Variants in NPAS3 observed in about 807,000 individuals in gnomAD.
NPAS3 encodes neuronal PAS domain-containing protein 3.
NPAS3 carries 14 observed loss-of-function variants against 73.1 expected under a neutral mutation model. The observed-to-expected ratio is 0.19, with a 90% confidence interval of 0.13 to 0.30. The LOEUF (loss-of-function observed/expected upper bound fraction) is 0.30, where lower values mean the gene tolerates loss of function less well. NPAS3 is among the 10% of genes least tolerant of loss of function. The pLI, the probability that NPAS3 is intolerant of heterozygous loss-of-function variation, is 1.00. For synonymous variants in NPAS3, 620 were observed against 541.5 expected (o/e 1.14, Z -2.01); for missense variants, 1,096 against 1,250.0 (o/e 0.88, Z 1.86).
intron 2 of NPAS3, among the ~76,000 whole-genome samples, chr14:33,079,712 A>G (rs961511564): frequency 5.5e-5 from 8 of 145,208 alleles, no homozygotes; most frequent in Non-Finnish European, 1.0e-4. Context: ...CCCAGGTTCA[A>G]GTGATTCTCC....
chr14:33,102,409 G>A lies in NPAS3; in HGVS notation c.140+46415G>A, dbSNP rs573928534. Among the ~76,000 whole-genome samples the A allele has an allele frequency of 9.2e-5, 14 of 152,198 alleles. No individual in the cohort carries two copies. The South Asian group carries it at 2.9e-3, about 32-fold the overall frequency. On this transcript the variant is annotated intron_variant, in intron 2 of 11. Transcript: ENST00000356141. Reference sequence around the variant, plus strand: ...ATCATGGCTCTTTTGTTAGTTGTGTGGCTGTGAGATCTTTGCTTACTATTT... The same window carrying A: ...ATCATGGCTCTTTTGTTAGTTGTGTAGCTGTGAGATCTTTGCTTACTATTT...
chr14:33,140,562 G>T (rs912324816), intron 2 of NPAS3, among the ~76,000 whole-genome samples: 20 of 152,200 alleles, frequency 1.3e-4, no homozygotes, highest in African/African-American at 4.6e-4. Flanking sequence ...CATTTGCATT[G>T]AATGTATTTA....
chr14:33,502,191 A>G (rs2139923688), intron 4 of NPAS3, among the ~76,000 whole-genome samples: 1 of 152,052 alleles, frequency 6.6e-6, no homozygotes, highest in African/African-American at 2.4e-5. Context: ...GTTAGTGAAA[A>G]CAGTGGGGTG....
chr14:33,342,029 C>G (rs948823679), intron 3 of NPAS3, among the ~76,000 whole-genome samples: 3 of 152,226 alleles, frequency 2.0e-5, no homozygotes, highest in African/African-American at 7.2e-5. Context: ...CCTATTTCCT[C>G]TCTTCCTTGG....
In NPAS3 at chr14:33,379,429, C is replaced by T. The variant is rs549907421; in HGVS notation, c.468+12161C>T. On this transcript the variant is annotated intron_variant, in intron 4 of 11. Transcript: ENST00000356141. ...TTTCTTATTGTGTAGGTTTTTATAC[C>T]TCTCTGGTAATGTGTGTAAATATCT... Among the ~76,000 whole-genome samples the T allele has an allele frequency of 2.6e-5, 4 of 152,154 alleles. No homozygotes were observed. In the South Asian group the frequency reaches 6.2e-4, roughly 24 times the overall value.
intron 1 of NPAS3, among the ~76,000 whole-genome samples, chr14:33,028,809 A>G (rs1272070489): frequency 6.6e-6 from 1 of 152,212 alleles, no homozygotes; most frequent in Non-Finnish European, 1.5e-5. Flanking sequence ...ATACATACAT[A>G]TATGTATATA....
At chr14:33,550,567 A>G (rs1186670159) in intron 4 of NPAS3, among the ~76,000 whole-genome samples, 4 of 152,242 alleles carry the variant, frequency 2.6e-5, no homozygotes, top group Non-Finnish European at 4.4e-5. Flanking sequence ...AGCCTTGAAT[A>G]GGATAAGAGC....
intron 4 of NPAS3, among the ~76,000 whole-genome samples, chr14:33,518,427 T>C (rs1428351788): frequency 6.6e-6 from 1 of 152,046 alleles, no homozygotes; most frequent in Non-Finnish European, 1.5e-5. Context: ...AGATAACCCT[T>C]GAGCCTGACT....
rs183141271 is a variant in NPAS3, at chr14:33,199,247, A to G, written c.141-15935A>G. 1.1e-4 allele frequency among the ~76,000 whole-genome samples: 17 copies of G among 152,328 alleles called. No homozygotes were observed. The South Asian group carries it at 1.2e-3, about 11-fold the overall frequency. On this transcript the variant is annotated intron_variant, in intron 2 of 11. Coordinates refer to ENST00000356141, the Ensembl canonical transcript of NPAS3. ...GTGGCCAGAGCAGACGCCCAGGCCG[A>G]GGAGGCACTGAGAGCAAGCGAGGGC...
intron 4 of NPAS3, among the ~76,000 whole-genome samples, chr14:33,471,873 A>C (rs1262316480): frequency 1.3e-5 from 2 of 152,208 alleles, no homozygotes; most frequent in Non-Finnish European, 2.9e-5. Flanking sequence ...GCCGCTCCCT[A>C]TCACTCGCAT....
intron 3 of NPAS3, among the ~76,000 whole-genome samples, chr14:33,330,765 G>A (rs2043948413): frequency 6.6e-6 from 1 of 151,392 alleles, no homozygotes; most frequent in Non-Finnish European, 1.5e-5. Flanking sequence ...AGATTTTTAT[G>A]GAAAGCATTA....
At chr14:32,938,486 T>TGACAGA (rs1555372900), upstream of NPAS3, among the ~76,000 whole-genome samples, 57 of 55,934 alleles carry the variant, frequency 1.0e-3, 7 homozygotes, top group Non-Finnish European at 1.4e-3. Context: ...AGAGAGAAAT[T>TGACAGA]GAGAGAGAGA....
chr14:33,414,855 A>G (rs1389146194), intron 4 of NPAS3, among the ~76,000 whole-genome samples: 1 of 152,068 alleles, frequency 6.6e-6, no homozygotes, highest in East Asian at 1.9e-4. Context: ...TTAAACAATG[A>G]AGGTAGTGCA....
chr14:33,228,206 A>G (rs1258647817), intron 3 of NPAS3, among the ~76,000 whole-genome samples: 2 of 152,236 alleles, frequency 1.3e-5, no homozygotes, highest in African/African-American at 4.8e-5. Context: ...GAGGTAGCTC[A>G]ACATGCACAG....
At chr14:33,426,536 T>G (rs541764005) in intron 4 of NPAS3, among the ~76,000 whole-genome samples, 1 of 152,008 alleles carries the variant, frequency 6.6e-6, no homozygotes, top group Non-Finnish European at 1.5e-5. Flanking sequence ...GATAGTTTGA[T>G]TACTTTAGGG....
At chr14:33,636,453 G>C (rs2058517702) in intron 5 of NPAS3, among the ~76,000 whole-genome samples, 1 of 152,102 alleles carries the variant, frequency 6.6e-6, no homozygotes, top group Non-Finnish European at 1.5e-5. Context: ...TTAGTGTATG[G>C]GCTTTTCTAC....
At chr14:33,359,159 G>T (rs1020544267) in intron 3 of NPAS3, among the ~76,000 whole-genome samples, 1 of 152,124 alleles carries the variant, frequency 6.6e-6, no homozygotes, top group Non-Finnish European at 1.5e-5. Flanking sequence ...ATGAATGGAG[G>T]AACAGGAGAG....
chr14:33,218,314 C>A (rs948163184), intron 3 of NPAS3, among the ~76,000 whole-genome samples: 1 of 152,034 alleles, frequency 6.6e-6, no homozygotes, highest in Non-Finnish European at 1.5e-5. Flanking sequence ...TACTGTCTAC[C>A]CCGGCTCTCA....
intron 9 of NPAS3, among the ~76,000 whole-genome samples, chr14:33,785,601 C>T (rs1043757376): frequency 6.6e-6 from 1 of 152,106 alleles, no homozygotes; most frequent in Non-Finnish European, 1.5e-5. Context: ...TGATACCTCA[C>T]ATATCTCAAA....
Sources: gnomAD v4.1 joint callset for allele counts (sites outside exome capture counted in the v4.1 genomes callset) on GRCh38, gnomAD v4.1.1 for gene constraint, MANE v1.5 for transcripts, NCBI Gene and HGNC (gene_info 2026-07-23, HGNC 2026-07-21) for gene names.